SLC35G1: variants seen among roughly 807,000 people sequenced by gnomAD.
The protein encoded by SLC35G1 is partner of STIM1.
A neutral mutation model predicts 17.1 loss-of-function variants in SLC35G1; 10 were observed. The ratio of observed to expected loss-of-function variants is 0.59; its 90% confidence interval spans 0.36 to 0.99. The LOEUF is 0.99. Among genes scored for constraint, SLC35G1 ranks in the 50% least tolerant of loss-of-function variants. The probability of loss-of-function intolerance (pLI) is 0.01; values close to 1 mark genes in which losing one functional copy is unlikely to be tolerated. For missense variants in SLC35G1, 433 were observed against 468.4 expected (o/e 0.92, Z 0.70); for synonymous variants, 185 against 181.1 (o/e 1.02, Z -0.18).
chr10:93,909,477 T>A (rs1333040251), exon 3 of SLC35G1: 10 of 152,152 alleles, frequency 6.6e-5, no homozygotes, highest in Non-Finnish European at 1.0e-4. Context: ...ATTTTTTTTT[T>A]TAAATTACCA....
intron 1 of SLC35G1, among the ~76,000 whole-genome samples, chr10:93,895,059 C>T (rs1464188535): frequency 6.6e-6 from 1 of 152,220 alleles, no homozygotes; most frequent in Non-Finnish European, 1.5e-5. Context: ...AGAAGTCGAC[C>T]ATCTACCAGG....
chr10:93,904,454 A>G (rs2060416289), downstream of SLC35G1, among the ~76,000 whole-genome samples: 1 of 152,106 alleles, frequency 6.6e-6, no homozygotes, highest in African/African-American at 2.4e-5. Flanking sequence ...CCCAACACAA[A>G]TGGGATACTC....
chr10:93,904,311 C>T (rs142771779), downstream of SLC35G1, among the ~76,000 whole-genome samples: 10 of 152,312 alleles, frequency 6.6e-5, no homozygotes, highest in African/African-American at 1.9e-4. Flanking sequence ...TCAGTGCCAG[C>T]TTAATGTTCC....
chr10:93,897,952 T>G (rs1219493637), intron 1 of SLC35G1, among the ~76,000 whole-genome samples: 1 of 152,214 alleles, frequency 6.6e-6, no homozygotes, highest in Non-Finnish European at 1.5e-5. Context: ...CTTCCCAGAT[T>G]ATGCTGTTGC....
In SLC35G1 at chr10:93,894,088, C is replaced by A. The variant is rs1415834671; in HGVS notation, c.55C>A (p.Leu19Ile). Residue 19 changes from leucine to isoleucine, a missense_variant, in exon 1 of 3, where the codon CTA becomes ATA. By Grantham distance (5) the Leu-to-Ile change is conservative. Transcript: ENST00000427197. ...VAELQEPGLPLTDDAPPGATE... is the reference protein window; with the variant it reads ...VAELQEPGLPITDDAPPGATE... ...GGAGCTCCAGGAGCCCGGGCTGCCG[C>A]TAACGGACGATGCACCCCCGGGCGC... 2.7e-6 allele frequency: 4 copies of A among 1,486,610 alleles called. No homozygotes were observed. The highest frequency in any genetic ancestry group is 3.6e-6 in the Non-Finnish European group (4 of 1,126,474). The allele number at this position is 1,486,610 out of a possible 1,614,324, so 92.1% of individuals were successfully genotyped here.
chr10:93,904,427 C>T (rs888197944), downstream of SLC35G1, among the ~76,000 whole-genome samples: 2 of 152,184 alleles, frequency 1.3e-5, no homozygotes, highest in Admixed American at 1.3e-4. Flanking sequence ...CCCACTTCTC[C>T]GACCTGATTT....
chr10:93,898,434 GC>G (rs2060351720), intron 1 of SLC35G1, 136 bp from the exon 2 acceptor site: 6 of 720,680 alleles, frequency 8.3e-6, no homozygotes, highest in South Asian at 2.1e-5. Flanking sequence ...AATGGTACAG[GC>G]CCAGAGAAAT....
intron 1 of SLC35G1, among the ~76,000 whole-genome samples, chr10:93,898,336 A>G (rs2060350156): frequency 6.6e-6 from 1 of 152,210 alleles, no homozygotes; most frequent in Admixed American, 6.5e-5. Flanking sequence ...GAGCCATAGG[A>G]AATCCATTTG....
chr10:93,904,642 A>AGT (rs754208851), downstream of SLC35G1, among the ~76,000 whole-genome samples: 4 of 152,198 alleles, frequency 2.6e-5, no homozygotes, highest in Non-Finnish European at 5.9e-5. Context: ...ATCTTGGAAG[A>AGT]GTGGGTAAAG....
In SLC35G1 at chr10:93,894,231, C is replaced by A; in HGVS notation, c.178+20C>A. The A allele has an allele frequency of 7.4e-7, 1 of 1,348,372 alleles. No homozygotes were observed. The highest frequency in any genetic ancestry group is 9.5e-7 in the Non-Finnish European group (1 of 1,052,116). 83.5% of individuals were successfully genotyped at this position (1,348,372 alleles called of 1,614,324 possible). A position where few individuals can be genotyped will look rare whatever the true frequency, so the allele number is the denominator to read the frequency against. Reference sequence around the variant, plus strand: ...AGCCGGGTGAGTGCGCGGTGTGGATCGGGCTCTGGTCTCGCTCGGGGGTCC... The same window carrying A: ...AGCCGGGTGAGTGCGCGGTGTGGATAGGGCTCTGGTCTCGCTCGGGGGTCC... On this transcript the variant is annotated intron_variant, in intron 1 of 2. Transcript: ENST00000427197.
intron 2 of SLC35G1, among the ~76,000 whole-genome samples, chr10:93,900,487 TATTA>T (rs915905488): frequency 2.6e-5 from 4 of 152,188 alleles, no homozygotes; most frequent in African/African-American, 4.8e-5. Flanking sequence ...TAAATATCTA[TATTA>T]ATTGAATTAT....
rs2060386502 is a variant in SLC35G1, at chr10:93,901,683, A to G, written c.*193A>G. 1.6e-6 allele frequency: 1 copy of G among 608,426 alleles called. No individual in the cohort carries two copies. Among genetic ancestry groups the G allele is most frequent in the Non-Finnish European group, 2.4e-6 (1 of 417,846 alleles). The allele number at this position is 608,426 out of a possible 1,614,324, so 37.7% of individuals were successfully genotyped here. On this transcript the variant is annotated 3_prime_UTR_variant, in exon 3 of 3. Transcript: ENST00000427197. The stretch of plus-strand genomic sequence containing the variant: ...CTGTTTGGTGTAACAATTTTTTGGT[A>G]GCTTTGGTTTTGGTTTTGGTTTTTT...
chr10:93,898,333 A>G (rs2060350120), intron 1 of SLC35G1, among the ~76,000 whole-genome samples: 1 of 152,220 alleles, frequency 6.6e-6, no homozygotes, highest in Non-Finnish European at 1.5e-5. Flanking sequence ...AGTGAGCCAT[A>G]GGAAATCCAT....
At chr10:93,905,101 A>G (rs2060420051), downstream of SLC35G1, among the ~76,000 whole-genome samples, 1 of 152,066 alleles carries the variant, frequency 6.6e-6, no homozygotes, top group Non-Finnish European at 1.5e-5. Context: ...TTATATGGGT[A>G]TTATGCTTGG....
chr10:93,896,943 TTTATTTGGAA>T (rs1047134906), intron 1 of SLC35G1, among the ~76,000 whole-genome samples: 2 of 152,122 alleles, frequency 1.3e-5, no homozygotes, highest in African/African-American at 4.8e-5. Context: ...GAAAAACTGT[TTTATTTGGAA>T]CTGAATTCTG....
chr10:93,894,108 G>T lies in SLC35G1; in HGVS notation c.75G>T (p.Pro25=). 6.7e-7 allele frequency: 1 copy of T among 1,489,106 alleles called. No homozygotes were observed. The highest frequency in any genetic ancestry group is 8.9e-7 in the Non-Finnish European group (1 of 1,127,056). The allele number at this position is 1,489,106 out of a possible 1,614,324, so 92.2% of individuals were successfully genotyped here. ...PGLPLTDDAP[P]GATEEPAAAE... is the part of the protein sequence containing the mutation. ...TGCCGCTAACGGACGATGCACCCCC[G>T]GGCGCCACTGAGGAGCCGGCGGCCG... The change falls in exon 1 of 3, where the codon CCG becomes CCT. Residue 25 remains proline (P), a synonymous_variant. Coordinates refer to ENST00000427197, the MANE Select transcript of SLC35G1 (RefSeq NM_001134658.3).
downstream of SLC35G1, among the ~76,000 whole-genome samples, chr10:93,906,037 C>A (rs748681438): frequency 6.6e-6 from 1 of 152,096 alleles, no homozygotes; most frequent in African/African-American, 2.4e-5. Flanking sequence ...CTGTTCTTAC[C>A]GCTGTTCCAA....
Position 93,901,512 on chromosome 10 carries a change from A to G in SLC35G1, c.*22A>G. ...ATGAAGCATCATTGCTGAAATACAT[A>G]TTTTTTTCAAGTACACCATCACCTA... On this transcript the variant is annotated 3_prime_UTR_variant, in exon 3 of 3. Transcript: ENST00000427197. The G allele has an allele frequency of 6.4e-7, 1 of 1,556,814 alleles. No homozygotes were observed. Among genetic ancestry groups the G allele is most frequent in the Non-Finnish European group, 8.7e-7 (1 of 1,154,060 alleles).
chr10:93,901,190 T>C lies in SLC35G1; in HGVS notation c.798T>C (p.Ser266=), dbSNP rs775647886. 21 of 1,614,042 alleles carry C rather than the reference T, an allele frequency of 1.3e-5. No homozygotes were observed. In the Admixed American group the frequency reaches 1.5e-4, roughly 12 times the overall value. ...WYYVVLGLVE[S]VIILSVLGEW... ...ATGTAGTACTTGGCCTCGTTGAAAG[T>C]GTCATCATCCTCTCTGTATTAGGAG... The change falls in exon 3 of 3, where the codon AGT becomes AGC. Residue 266 remains serine (S), a synonymous_variant. Transcript: ENST00000427197.
Sources: allele counts gnomAD v4.1 joint callset (sites outside exome capture counted in the v4.1 genomes callset), GRCh38; gene constraint gnomAD v4.1.1; transcripts MANE v1.5; gene names NCBI Gene and HGNC (gene_info 2026-07-23, HGNC 2026-07-21).